ERCC6: variants seen among roughly 807,000 people sequenced by gnomAD.
ERCC6 encodes the protein ERCC excision repair 6, chromatin remodeling factor.
A neutral mutation model predicts 158.7 loss-of-function variants in ERCC6; 116 were observed. The observed-to-expected ratio is 0.73, with a 90% CI of 0.63 to 0.85. The LOEUF is 0.85. Ranked by LOEUF, ERCC6 falls within the 40% of genes least tolerant of loss-of-function variation. ERCC6 has a pLI of 0.00. For synonymous variants in ERCC6, 678 were observed against 659.3 expected, an observed-to-expected ratio of 1.03 and a Z score of -0.43; for missense variants, 1,698 against 1,799.4, an observed-to-expected ratio of 0.94 and a Z score of 1.02.
the ERCC6 span, among the ~76,000 whole-genome samples, chr10:49,445,548 C>A: frequency 6.6e-6 from 1 of 152,264 alleles, no homozygotes; most frequent in African/African-American, 2.4e-5. Context: ...TTGTGCCAGG[C>A]ACTATTCTAA....
At chr10:49,437,941 T>C in the ERCC6 span, among the ~76,000 whole-genome samples, 1 of 152,380 alleles carries the variant, frequency 6.6e-6, no homozygotes, top group East Asian at 1.9e-4. Context: ...TCCTCCTGTG[T>C]ACTTTACACC....
rs1850991766 is a variant in ERCC6, at chr10:49,482,192, T to C, written c.2169+495A>G. Among the ~76,000 whole-genome samples the C allele has an allele frequency of 2.0e-5, 3 of 152,306 alleles. No homozygotes were observed. The South Asian group carries it at 6.2e-4, about 32-fold the overall frequency. On this transcript the variant is annotated intron_variant, in intron 10 of 20. Coordinates refer to ENST00000355832, the MANE Select transcript of ERCC6 (RefSeq NM_000124.4). Reference sequence around the variant, plus strand: ...AAGAATGCCCTCACTCTCCATGGCCTACATTCCCAGAATCAGGTTAAGGGG... The same window carrying C: ...AAGAATGCCCTCACTCTCCATGGCCCACATTCCCAGAATCAGGTTAAGGGG...
chr10:49,457,393 T>C lies in ERCC6; in HGVS notation c.*1422A>G, dbSNP rs974618058. On this transcript the variant is annotated 3_prime_UTR_variant, in exon 21 of 21. Transcript: ENST00000355832. ...CTAGAAAATCCTGACAGGAATCATATAGAACATCTCTAAGAAAAGGATTCT... is the reference window on the plus strand; with the variant it reads ...CTAGAAAATCCTGACAGGAATCATACAGAACATCTCTAAGAAAAGGATTCT... 2 of 152,156 alleles carry C rather than the reference T, an allele frequency of 1.3e-5. No homozygotes were observed. The highest frequency in any genetic ancestry group is 2.9e-5 in the Non-Finnish European group (2 of 68,030). 9.4% of individuals were successfully genotyped at this position (152,156 alleles called of 1,614,324 possible).
intron 7 of ERCC6, among the ~76,000 whole-genome samples, chr10:49,498,442 A>T (rs1035838756): frequency 1.3e-5 from 2 of 152,178 alleles, no homozygotes; most frequent in Non-Finnish European, 2.9e-5. Flanking sequence ...CCAGAGGAGG[A>T]TGTGTTATAA....
chr10:49,438,737 T>A, the ERCC6 span, among the ~76,000 whole-genome samples: 2 of 152,106 alleles, frequency 1.3e-5, no homozygotes, highest in African/African-American at 4.8e-5. Context: ...GCCTGTAAAA[T>A]CAAAAGCAAG....
chr10:49,481,575 C>G (rs1590416385), intron 10 of ERCC6, among the ~76,000 whole-genome samples: 1 of 152,206 alleles, frequency 6.6e-6, no homozygotes, highest in African/African-American at 2.4e-5. Context: ...CACAGGCCCA[C>G]CCAAGAAGGG....
chr10:49,467,808 A>G (rs529921980), intron 18 of ERCC6, among the ~76,000 whole-genome samples: 6 of 152,016 alleles, frequency 3.9e-5, no homozygotes, highest in Non-Finnish European at 8.8e-5. Flanking sequence ...GGCTCAAGCA[A>G]TCAACCCACC....
intron 5 of ERCC6, chr10:49,515,998 C>T: frequency 1.2e-6 from 2 of 1,614,142 alleles, no homozygotes; most frequent in South Asian, 1.1e-5. Flanking sequence ...CTCACTGTAC[C>T]TGTTGCCTGA....
intron 10 of ERCC6, 148 bp downstream of exon 10, chr10:49,482,539 A>ATTTTTT: frequency 8.5e-6 from 4 of 469,360 alleles, no homozygotes; most frequent in Non-Finnish European, 1.5e-5. Flanking sequence ...TAATTTTGTG[A>ATTTTTT]TTTTTTTTTT....
At chr10:49,537,212 C>G (rs1176288017) in intron 1 of ERCC6, among the ~76,000 whole-genome samples, 1 of 151,856 alleles carries the variant, frequency 6.6e-6, no homozygotes, top group African/African-American at 2.4e-5. Flanking sequence ...GGCATGGAGG[C>G]GCGCGCCTGT....
At chr10:49,435,957 G>A in the ERCC6 span, among the ~76,000 whole-genome samples, 6 of 150,774 alleles carry the variant, frequency 4.0e-5, no homozygotes, top group South Asian at 2.1e-4. Flanking sequence ...AGCCGAGATC[G>A]TGCCACTGTA....
At chr10:49,468,866 G>A (rs1850722756) in intron 18 of ERCC6, among the ~76,000 whole-genome samples, 1 of 152,232 alleles carries the variant, frequency 6.6e-6, no homozygotes, top group African/African-American at 2.4e-5. Flanking sequence ...GGTGCTCAAA[G>A]AATGGTGGGG....
chr10:49,434,943 G>A, the ERCC6 span, among the ~76,000 whole-genome samples: 54 of 152,244 alleles, frequency 3.5e-4, no homozygotes, highest in Admixed American at 2.7e-3. Context: ...TTTGTATACT[G>A]ATGAAAATTA....
chr10:49,530,199 C>A (rs369811624), intron 3 of ERCC6, among the ~76,000 whole-genome samples: 1 of 152,158 alleles, frequency 6.6e-6, no homozygotes, highest in African/African-American at 2.4e-5. Flanking sequence ...TAAGGAAGTG[C>A]GCCCAAGTGA....
At chr10:49,516,841 A>T in intron 5 of ERCC6, 2 of 1,614,168 alleles carry the variant, frequency 1.2e-6, no homozygotes, top group South Asian at 1.1e-5. Flanking sequence ...GTAAACGTAG[A>T]TGGAACTTCA....
the ERCC6 span, among the ~76,000 whole-genome samples, chr10:49,447,031 G>T: frequency 6.6e-6 from 1 of 152,064 alleles, no homozygotes; most frequent in Non-Finnish European, 1.5e-5. Flanking sequence ...ACCAGAAGGG[G>T]AAAAACACCC....
rs1836979418 is a variant in ERCC6, at chr10:49,516,709, A to G, written c.1397+7324T>C. The G allele has an allele frequency of 1.9e-6, 3 of 1,614,158 alleles. No individual in the cohort carries two copies. Among genetic ancestry groups the G allele is most frequent in the Non-Finnish European group, 2.5e-6 (3 of 1,179,986 alleles). ...TCTGTGGGAGTTCTCATTACGGTGA[A>G]GAAATCGTTTGGTGGTGCTGTAACT... On this transcript the variant is annotated intron_variant, in intron 5 of 20. Coordinates refer to ENST00000355832, the MANE Select transcript of ERCC6 (RefSeq NM_000124.4).
At position 49,472,772 on chromosome 10, in the gene ERCC6, A is replaced by T. The variant is rs192976944; in HGVS notation, c.2829+137T>A. 7 of 1,054,542 alleles carry T rather than the reference A, an allele frequency of 6.6e-6. No individual in the cohort carries two copies. In the African/African-American group the frequency reaches 1.1e-4, roughly 17 times the overall value. The allele number at this position is 1,054,542 out of a possible 1,614,324, so 65.3% of individuals were successfully genotyped here. ...TTGACTCTGAAGGGTGTCTTCTTTC[A>T]CGTTGAAGAACAGGAGACAATCAAA... On this transcript the variant is annotated intron_variant, in intron 15 of 20. Coordinates refer to ENST00000355832, the MANE Select transcript of ERCC6 (RefSeq NM_000124.4).
intron 7 of ERCC6, among the ~76,000 whole-genome samples, chr10:49,493,728 C>T (rs1246622840): frequency 6.6e-6 from 1 of 152,210 alleles, no homozygotes; most frequent in Non-Finnish European, 1.5e-5. Flanking sequence ...AAATGCTCCA[C>T]TGATGGGGGC....
Sources: allele counts gnomAD v4.1 joint callset (sites outside exome capture counted in the v4.1 genomes callset), GRCh38; gene constraint gnomAD v4.1.1; transcripts MANE v1.5; gene names NCBI Gene and HGNC (gene_info 2026-07-23, HGNC 2026-07-21).